PTPN21: variants seen among roughly 807,000 people sequenced by gnomAD.
PTPN21 encodes the protein tyrosine-protein phosphatase non-receptor type 21.
In PTPN21, 77 loss-of-function variants were observed where a neutral mutation model predicts 131.8. The observed-to-expected ratio is 0.58, with a 90% CI of 0.49 to 0.71. PTPN21 has a LOEUF of 0.71. Ranked by LOEUF, PTPN21 falls within the 30% of genes least tolerant of loss-of-function variation. The pLI is 0.00. For missense variants in PTPN21, 1,552 were observed against 1,527.1 expected, an observed-to-expected ratio of 1.02 and a Z score of -0.27; for synonymous variants, 715 against 621.3, an observed-to-expected ratio of 1.15 and a Z score of -2.24.
chr14:88,502,070 C>T (rs2078017273), intron 6 of PTPN21, among the ~76,000 whole-genome samples: 1 of 152,138 alleles, frequency 6.6e-6, no homozygotes, highest in African/African-American at 2.4e-5. Context: ...GAGGAGGCTA[C>T]ATGAAAACCC....
chr14:88,500,848 G>A lies in PTPN21; in HGVS notation c.699C>T (p.Ser233=), dbSNP rs147085740. ...PAKDSQGSDI[S]IGACLEGIFV... The stretch of plus-strand genomic sequence containing the variant: ...AGATACCTTCAAGACACGCTCCAAT[G>A]GATATGTCACTTCCTTGGCTATCCT... Residue 233 remains serine (S), a synonymous_variant, in exon 8 of 19, where the codon TCC becomes TCT. Coordinates refer to ENST00000556564, the MANE Select transcript of PTPN21 (RefSeq NM_007039.4). 3 of 1,613,394 alleles carry A rather than the reference G, an allele frequency of 1.9e-6. No homozygotes were observed. Among genetic ancestry groups the A allele is most frequent in the Non-Finnish European group, 2.5e-6 (3 of 1,179,522 alleles).
In PTPN21 at chr14:88,486,777, G is replaced by T. The variant is rs150958076; in HGVS notation, c.933-935C>A. Among the ~76,000 whole-genome samples, 843 of 152,098 alleles carry T rather than the reference G, an allele frequency of 5.5e-3. 6 individuals carry two copies. Among genetic ancestry groups the T allele is most frequent in the African/African-American group, 0.02 (814 of 41,484 alleles). On this transcript the variant is annotated intron_variant, in intron 10 of 18. Coordinates refer to ENST00000556564, the MANE Select transcript of PTPN21 (RefSeq NM_007039.4). Reference sequence around the variant, plus strand: ...GGATCACCTGAAGTCAGGAGTTCGAGACCACCTGGCCAACATGGTGAAACC... The same window carrying T: ...GGATCACCTGAAGTCAGGAGTTCGATACCACCTGGCCAACATGGTGAAACC...
rs1412094743 is a variant in PTPN21, at chr14:88,497,263, G to A, written c.792C>T (p.His264=). The A allele has an allele frequency of 6.2e-7, 1 of 1,613,506 alleles. No homozygotes were observed. Among genetic ancestry groups the A allele is most frequent in the South Asian group, 1.1e-5 (1 of 91,054 alleles). ...GCTCTAATGCAAAAAAGGACTTGTTGTGGGACATGTTGGCAATGTCATGCC... is the reference window on the plus strand; with the variant it reads ...GCTCTAATGCAAAAAAGGACTTGTTATGGGACATGTTGGCAATGTCATGCC... ...FRWHDIANMS[H]NKSFFALELA... is the part of the protein sequence containing the mutation. The change falls in exon 9 of 19, where the codon CAC becomes CAT. Residue 264 remains histidine, a synonymous_variant. Coordinates refer to ENST00000556564, the MANE Select transcript of PTPN21 (RefSeq NM_007039.4).
intron 2 of PTPN21, among the ~76,000 whole-genome samples, chr14:88,524,045 T>A (rs568519184): frequency 6.6e-6 from 1 of 152,302 alleles, no homozygotes; most frequent in South Asian, 2.1e-4. Flanking sequence ...TAAGGTGCAG[T>A]ACTACCCAAA....
rs1566812400 is a variant in PTPN21 at position 88,479,264 on chromosome 14, TCTC to T, written c.2164_2166del (p.Glu722del). ...CGTGCAGGAGGCGCCCGGGCCCCGC[TCTC>T]CTCCTCGAAGTCCTCGTCCTCCTCC... is the stretch of plus-strand genomic sequence containing the variant. On this transcript the variant is annotated inframe_deletion, in exon 13 of 19. Coordinates refer to ENST00000556564, the MANE Select transcript of PTPN21 (RefSeq NM_007039.4). 4.3e-6 allele frequency: 7 copies of T among 1,612,510 alleles called. No homozygotes were observed. The highest frequency in any genetic ancestry group is 1.7e-4 in the Middle Eastern group (1 of 6,048).
intron 2 of PTPN21, among the ~76,000 whole-genome samples, chr14:88,521,668 C>T (rs562546124): frequency 2.3e-4 from 35 of 151,692 alleles, no homozygotes; most frequent in African/African-American, 7.5e-4. Context: ...GCCTCGGCCT[C>T]CCAAAGTGCT....
chr14:88,485,669 A>G (rs2077720989), intron 11 of PTPN21, 113 bp downstream of exon 11: 2 of 686,358 alleles, frequency 2.9e-6, no homozygotes, highest in Non-Finnish European at 4.8e-6. Flanking sequence ...AAATGATGAA[A>G]TATCAATACA....
At chr14:88,500,536 T>C (rs1178008892) in intron 8 of PTPN21, among the ~76,000 whole-genome samples, 3 of 152,220 alleles carry the variant, frequency 2.0e-5, no homozygotes, top group Non-Finnish European at 4.4e-5. Context: ...GGGTCACACA[T>C]TTTTAAGCAT....
At position 88,468,079 on chromosome 14, in the gene PTPN21, C is replaced by T. The variant is rs2077392813; in HGVS notation, c.*58G>A. On this transcript the variant is annotated 3_prime_UTR_variant, in exon 19 of 19. Transcript: ENST00000556564. ...CGGGAAAGTATGAGTTAGGCAAGCG[C>T]TTTTTTTTTAAGCTGTAAACGCTTC... 1.9e-6 allele frequency: 3 copies of T among 1,564,876 alleles called. No individual in the cohort carries two copies. Among genetic ancestry groups the T allele is most frequent in the South Asian group, 2.3e-5 (2 of 88,246 alleles).
chr14:88,483,871 AGG>A (rs2077690496), intron 12 of PTPN21, among the ~76,000 whole-genome samples: 1 of 152,180 alleles, frequency 6.6e-6, no homozygotes, highest in Non-Finnish European at 1.5e-5. Flanking sequence ...GTGGTGGCTC[AGG>A]CCTATAATCC....
chr14:88,518,650 C>T (rs1456496271), intron 2 of PTPN21, among the ~76,000 whole-genome samples: 2 of 150,122 alleles, frequency 1.3e-5, no homozygotes, highest in East Asian at 4.0e-4. Context: ...AGGCTGGTCT[C>T]GAACTCCTGA....
At chr14:88,546,531 G>A (rs145921729) in intron 2 of PTPN21, among the ~76,000 whole-genome samples, 9 of 148,558 alleles carry the variant, frequency 6.1e-5, no homozygotes, top group African/African-American at 2.0e-4. Flanking sequence ...AACCGAGATC[G>A]CGCCATTGTA....
rs116625691 is a variant in PTPN21 at position 88,499,903 on chromosome 14, A to C, written c.764+880T>G. Among the ~76,000 whole-genome samples the C allele has an allele frequency of 5.5e-3, 844 of 152,272 alleles. 12 individuals carry two copies. The highest frequency in any genetic ancestry group is 0.02 in the African/African-American group (814 of 41,542). On this transcript the variant is annotated intron_variant, in intron 8 of 18. Transcript: ENST00000556564. ...ACAAATTAGAACACAGAATACTATA[A>C]AGGAAATTAAAATCACCTGTACTTT...
chr14:88,501,264 C>T lies in PTPN21; in HGVS notation c.675+17G>A, dbSNP rs543211545. 5 of 1,594,994 alleles carry T rather than the reference C, an allele frequency of 3.1e-6. No homozygotes were observed. Among genetic ancestry groups the T allele is most frequent in the Admixed American group, 1.7e-5 (1 of 59,798 alleles). Reference sequence around the variant, plus strand: ...AAGCCTAACTTTAAAGAGCCCCAGCCGCCAAGCCACACTTACCTTAGCAGG... The same window carrying T: ...AAGCCTAACTTTAAAGAGCCCCAGCTGCCAAGCCACACTTACCTTAGCAGG... On this transcript the variant is annotated intron_variant, in intron 7 of 18. Transcript: ENST00000556564.
At chr14:88,476,111 A>T (rs1048827805) in intron 13 of PTPN21, among the ~76,000 whole-genome samples, 1 of 152,214 alleles carries the variant, frequency 6.6e-6, no homozygotes, top group South Asian at 2.1e-4. Context: ...AGATGGGTGG[A>T]GAATTCTAAA....
intron 2 of PTPN21, among the ~76,000 whole-genome samples, chr14:88,544,353 AAAAAG>A (rs563172040): frequency 2.1e-3 from 314 of 152,272 alleles, no homozygotes; most frequent in African/African-American, 7.0e-3. Flanking sequence ...CTCACCAAAA[AAAAAG>A]AAAAGAAAAG....
chr14:88,515,697 T>A (rs1276247156), intron 3 of PTPN21, among the ~76,000 whole-genome samples: 1 of 152,176 alleles, frequency 6.6e-6, no homozygotes, highest in Non-Finnish European at 1.5e-5. Context: ...CCCCTAGGAA[T>A]CCACAGCTTT....
intron 6 of PTPN21, among the ~76,000 whole-genome samples, chr14:88,503,227 G>A (rs1566829449): frequency 6.6e-6 from 1 of 151,894 alleles, no homozygotes; most frequent in Non-Finnish European, 1.5e-5. Context: ...GTGGAGACAG[G>A]GTTTCAACAT....
chr14:88,477,496 TTTG>T (rs2077565533), intron 13 of PTPN21, among the ~76,000 whole-genome samples: 1 of 151,686 alleles, frequency 6.6e-6, no homozygotes, highest in Non-Finnish European at 1.5e-5. Flanking sequence ...TGGTACTTTT[TTTG>T]TTAAGTAGTT....
Sources: allele counts gnomAD v4.1 joint callset (sites outside exome capture counted in the v4.1 genomes callset), GRCh38; gene constraint gnomAD v4.1.1; transcripts MANE v1.5; gene names NCBI Gene and HGNC (gene_info 2026-07-23, HGNC 2026-07-21).